The following GDAP1 variants were observed in gnomAD, a reference collection of about 807,000 sequenced individuals.
GDAP1 encodes the protein ganglioside-induced differentiation-associated protein 1.
Under a neutral mutation model 40.1 loss-of-function variants are expected in GDAP1, and 34 were observed. That is an observed-to-expected ratio of 0.85 (90% CI 0.64 to 1.13). GDAP1 has a LOEUF of 1.13. GDAP1 is among the 50% of genes most tolerant of loss of function. The pLI, the probability that GDAP1 is intolerant of heterozygous loss-of-function variation, is 0.00. For missense variants in GDAP1, 374 were observed against 433.7 expected (o/e 0.86, Z 1.22); for synonymous variants, 170 against 157.4 (o/e 1.08, Z -0.60).
intron 2 of GDAP1, among the ~76,000 whole-genome samples, chr8:74,378,733 C>T (rs903438742): frequency 6.6e-6 from 1 of 152,124 alleles, no homozygotes; most frequent in African/African-American, 2.4e-5. Flanking sequence ...AATGGGAGCC[C>T]TTGGCACATA....
intron 2 of GDAP1, among the ~76,000 whole-genome samples, chr8:74,387,928 G>C (rs1231927435): frequency 6.6e-6 from 1 of 151,724 alleles, no homozygotes; most frequent in Admixed American, 6.6e-5. Context: ...ATGTGTCAAG[G>C]AATTTATCCA....
chr8:74,416,565 C>G (rs1805781809), intron 2 of GDAP1, among the ~76,000 whole-genome samples: 1 of 150,202 alleles, frequency 6.7e-6, no homozygotes, highest in South Asian at 2.1e-4. Context: ...TTTCAGAAAG[C>G]CAGTGCACTA....
intron 2 of GDAP1, among the ~76,000 whole-genome samples, chr8:74,448,956 T>C (rs1287859495): frequency 6.6e-6 from 1 of 152,082 alleles, no homozygotes; most frequent in Non-Finnish European, 1.5e-5. Flanking sequence ...ACTGTGTTAC[T>C]GTATTGTTTT....
Position 74,407,344 on chromosome 8 carries a change from A to G in GDAP1, c.165+56023A>G, listed in dbSNP as rs1031764570. Among the ~76,000 whole-genome samples the G allele has an allele frequency of 1.1e-4, 16 of 150,006 alleles. 3 individuals are homozygous for G. Among genetic ancestry groups the G allele is most frequent in the African/African-American group, 4.1e-4 (16 of 39,354 alleles). ...ATGTCTGTGAGAGTGTTGCCAGAGG[A>G]AATTAACATTTGAGTCCGTTTACTG... On this transcript the variant is annotated intron_variant, in intron 2 of 2. Coordinates refer to the GDAP1 transcript ENST00000523640.
intron 2 of GDAP1, among the ~76,000 whole-genome samples, chr8:74,420,558 A>T (rs535879844): frequency 6.6e-6 from 1 of 152,298 alleles, no homozygotes. Context: ...AACAGTAACA[A>T]CAGCAGCAGT....
chr8:74,382,193 T>G (rs1384898895), intron 2 of GDAP1, among the ~76,000 whole-genome samples: 2 of 152,184 alleles, frequency 1.3e-5, no homozygotes, highest in Non-Finnish European at 1.5e-5. Flanking sequence ...CTATTCAAAT[T>G]GGCTCCTGAG....
chr8:74,370,491 C>A (rs1381009500), downstream of GDAP1, among the ~76,000 whole-genome samples: 1 of 152,132 alleles, frequency 6.6e-6, no homozygotes, highest in Non-Finnish European at 1.5e-5. Flanking sequence ...CTGATAAGAA[C>A]ACGTTGTTAG....
Position 74,350,578 on chromosome 8 carries a change from G to A in GDAP1, c.117G>A (p.Lys39=). 6.4e-6 allele frequency: 10 copies of A among 1,553,740 alleles called. No homozygotes were observed. Among genetic ancestry groups the A allele is most frequent in the Non-Finnish European group, 8.9e-6 (10 of 1,124,926 alleles). The part of the protein sequence containing the change: ...YHWTHSFSSQ[K]VRLVIAEKAL... The stretch of plus-strand genomic sequence containing the variant: ...GGACGCATTCCTTCAGCTCTCAAAA[G>A]GTACAACAGGCCTTGGCGGCGGAGG... The change falls in exon 1 of 6, where the codon AAG becomes AAA. Residue 39 remains lysine (K), a splice_region_variant and synonymous_variant. Coordinates refer to ENST00000220822, the MANE Select transcript of GDAP1 (RefSeq NM_018972.4).
chr8:74,371,355 A>T (rs777274495), downstream of GDAP1, among the ~76,000 whole-genome samples: 4 of 152,220 alleles, frequency 2.6e-5, no homozygotes, highest in African/African-American at 2.4e-5. Flanking sequence ...TGAAAGAAGA[A>T]ATCATAAGGG....
chr8:74,404,187 T>C (rs983400886), intron 2 of GDAP1, among the ~76,000 whole-genome samples: 1 of 149,858 alleles, frequency 6.7e-6, no homozygotes, highest in Non-Finnish European at 1.5e-5. Flanking sequence ...ATTTACTTTG[T>C]GCATTAACTT....
At chr8:74,484,319 T>G (rs1806748948) in intron 2 of GDAP1, among the ~76,000 whole-genome samples, 1 of 152,180 alleles carries the variant, frequency 6.6e-6, no homozygotes, top group Admixed American at 6.5e-5. Context: ...ATCAGTGAGC[T>G]TAGACATATA....
At chr8:74,450,353 G>T (rs962266603) in intron 2 of GDAP1, among the ~76,000 whole-genome samples, 4 of 151,752 alleles carry the variant, frequency 2.6e-5, no homozygotes, top group African/African-American at 4.8e-5. Context: ...GTTAGATAAA[G>T]ATCATTTATA....
chr8:74,359,766 A>G (rs1000879528), intron 2 of GDAP1, among the ~76,000 whole-genome samples: 3 of 152,216 alleles, frequency 2.0e-5, no homozygotes, highest in Non-Finnish European at 4.4e-5. Flanking sequence ...AAGGGCTGTA[A>G]CAGAGTGTGT....
At chr8:74,380,914 T>C (rs1304082417) in intron 2 of GDAP1, among the ~76,000 whole-genome samples, 4 of 152,206 alleles carry the variant, frequency 2.6e-5, no homozygotes, top group Admixed American at 1.3e-4. Context: ...CTCTTCCCTA[T>C]TGATAGTCTT....
chr8:74,471,838 T>C (rs1199779026), intron 2 of GDAP1, among the ~76,000 whole-genome samples: 1 of 152,238 alleles, frequency 6.6e-6, no homozygotes, highest in Non-Finnish European at 1.5e-5. Flanking sequence ...TTGTTGTTCA[T>C]ATCAATTGTT....
intron 2 of GDAP1, among the ~76,000 whole-genome samples, chr8:74,357,089 A>G (rs1809137418): frequency 6.6e-6 from 1 of 152,208 alleles, no homozygotes; most frequent in South Asian, 2.1e-4. Flanking sequence ...TGTATTATGC[A>G]TATTATATAC....
At chr8:74,485,567 A>G (rs1339763797) in intron 2 of GDAP1, among the ~76,000 whole-genome samples, 3 of 152,180 alleles carry the variant, frequency 2.0e-5, no homozygotes, top group Admixed American at 1.3e-4. Flanking sequence ...TCAAGCACTT[A>G]ATTTTTTGAC....
intron 2 of GDAP1, among the ~76,000 whole-genome samples, chr8:74,434,623 T>C (rs1382405512): frequency 6.6e-6 from 1 of 152,180 alleles, no homozygotes; most frequent in Non-Finnish European, 1.5e-5. Flanking sequence ...CATGAACTTT[T>C]TGAGCCAACT....
At chr8:74,351,090 T>C (rs1808847407) in intron 1 of GDAP1, among the ~76,000 whole-genome samples, 184 bp from the exon 2 acceptor site, 1 of 152,226 alleles carries the variant, frequency 6.6e-6, no homozygotes, top group South Asian at 2.1e-4. Flanking sequence ...TTTTGTGTTC[T>C]TCTCTTAATT....
Sources: gnomAD v4.1 joint callset for allele counts (sites outside exome capture counted in the v4.1 genomes callset) on GRCh38, gnomAD v4.1.1 for gene constraint, MANE v1.5 for transcripts, NCBI Gene and HGNC (gene_info 2026-07-23, HGNC 2026-07-21) for gene names.